AFF2: variants seen among roughly 807,000 people sequenced by gnomAD.
AFF2 encodes the protein ALF transcription elongation factor 2.
Under a neutral mutation model 76.9 loss-of-function variants are expected in AFF2, and 14 were observed. That is an observed-to-expected ratio of 0.18 (90% CI 0.12 to 0.28). AFF2 has a LOEUF of 0.28. Among genes scored for constraint, AFF2 ranks in the 10% least tolerant of loss-of-function variants. The pLI is 1.00. For missense variants in AFF2, 868 were observed against 1,001.1 expected (o/e 0.87, Z 1.79); for synonymous variants, 398 against 366.7 (o/e 1.09, Z -0.98).
At chrX:148,659,468 G>A (rs1296680480) in intron 2 of AFF2, among the ~76,000 whole-genome samples, 3 of 112,377 alleles carry the variant, frequency 2.7e-5, no homozygotes, top group Admixed American at 1.9e-4. Context: ...TAGGGAGAAG[G>A]TTCTGATTTT....
At chrX:148,503,787 T>A (rs1254018517) in intron 1 of AFF2, among the ~76,000 whole-genome samples, 1 of 112,123 alleles carries the variant, frequency 8.9e-6, no homozygotes, top group Non-Finnish European at 1.9e-5. Flanking sequence ...GTGCAGTGTT[T>A]TGGAATGCTC....
chrX:148,895,270 A>C (rs782121489), intron 8 of AFF2, among the ~76,000 whole-genome samples: 1 of 111,484 alleles, frequency 9.0e-6, no homozygotes, highest in South Asian at 3.8e-4. Flanking sequence ...TGTGCTTACA[A>C]TAAAAATGGC....
chrX:148,536,145 G>A (rs1405588927), intron 1 of AFF2, among the ~76,000 whole-genome samples: 5 of 109,411 alleles, frequency 4.6e-5, no homozygotes, highest in Non-Finnish European at 9.5e-5. Context: ...AGGAGGTGGA[G>A]GTTGCAGTGG....
At chrX:148,959,293 C>T (rs1437049224) in intron 12 of AFF2, among the ~76,000 whole-genome samples, 2 of 112,443 alleles carry the variant, frequency 1.8e-5, no homozygotes, top group African/African-American at 6.5e-5. Flanking sequence ...ATCATGTCAG[C>T]AACTTGAACC....
intron 3 of AFF2, among the ~76,000 whole-genome samples, chrX:148,683,520 C>T (rs1170013303): frequency 9.8e-5 from 11 of 111,912 alleles, no homozygotes; most frequent in Non-Finnish European, 1.7e-4. Context: ...TGCTTTCTTG[C>T]GAATGAAGAG....
At chrX:148,710,667 A>G (rs894312267) in intron 3 of AFF2, among the ~76,000 whole-genome samples, 2 of 112,203 alleles carry the variant, frequency 1.8e-5, no homozygotes, top group African/African-American at 6.5e-5. Flanking sequence ...AATAAAATAT[A>G]TGTTGATTTT....
At chrX:148,501,278 C>T (rs2052345680) in intron 1 of AFF2, 134 bp downstream of exon 1, 2 of 841,268 alleles carry the variant, frequency 2.4e-6, no homozygotes, top group South Asian at 2.4e-5. Context: ...TCTCAGCCAC[C>T]TCTGGCCCCG....
intron 3 of AFF2, among the ~76,000 whole-genome samples, chrX:148,721,027 T>C (rs1557263760): frequency 8.9e-6 from 1 of 111,877 alleles, no homozygotes; most frequent in Non-Finnish European, 1.9e-5. Flanking sequence ...TCAGGTAGTT[T>C]AGTTGATTGA....
chrX:148,822,871 A>G (rs2070345471), intron 4 of AFF2, among the ~76,000 whole-genome samples: 1 of 111,449 alleles, frequency 9.0e-6, no homozygotes, highest in Non-Finnish European at 1.9e-5. Context: ...AAATTGCAGA[A>G]TCATAAAATA....
At chrX:148,949,084 G>T (rs1236401868) in intron 9 of AFF2, among the ~76,000 whole-genome samples, 7 of 110,814 alleles carry the variant, frequency 6.3e-5, no homozygotes, top group Non-Finnish European at 1.1e-4. Context: ...CCTGCACATT[G>T]TTTGAAAATT....
chrX:148,798,507 C>T, intron 3 of AFF2, among the ~76,000 whole-genome samples: 1 of 112,241 alleles, frequency 8.9e-6, no homozygotes, highest in Non-Finnish European at 1.9e-5. Context: ...TTTACATGAA[C>T]AGATTTTCCA....
chrX:148,772,542 C>T (rs868948767), intron 3 of AFF2, among the ~76,000 whole-genome samples: 1 of 67,719 alleles, frequency 1.5e-5, no homozygotes, highest in African/African-American at 5.4e-5. Context: ...TTCTTTCTTT[C>T]TTTTTTTTTT....
intron 7 of AFF2, among the ~76,000 whole-genome samples, chrX:148,852,389 G>GTTTTTTTT (rs33916305): frequency 6.3e-5 from 5 of 78,793 alleles, no homozygotes; most frequent in Non-Finnish European, 9.7e-5. Flanking sequence ...CCAGCAGCTG[G>GTTTTTTTT]TTTTTTTTTT....
intron 19 of AFF2, among the ~76,000 whole-genome samples, chrX:148,983,094 A>C (rs1314218752): frequency 1.8e-5 from 2 of 111,896 alleles, no homozygotes; most frequent in Non-Finnish European, 3.8e-5. Context: ...AACTATTCAG[A>C]GCTTACAGCC....
intron 1 of AFF2, among the ~76,000 whole-genome samples, chrX:148,582,851 C>T: frequency 8.9e-6 from 1 of 112,152 alleles, no homozygotes; most frequent in East Asian, 2.8e-4. Context: ...AAATGTCTAT[C>T]AACTGGTGAG....
chrX:148,962,543 C>T (rs907396509), intron 12 of AFF2, among the ~76,000 whole-genome samples, 172 bp from the exon 13 acceptor site: 7 of 111,592 alleles, frequency 6.3e-5, no homozygotes, highest in Non-Finnish European at 1.1e-4. Flanking sequence ...ATATCTATAT[C>T]TATAAAGATA....
chrX:148,603,231 ATG>A (rs1280470427), intron 1 of AFF2, among the ~76,000 whole-genome samples: 2 of 111,914 alleles, frequency 1.8e-5, no homozygotes, highest in African/African-American at 6.5e-5. Flanking sequence ...GGAAAAAAAA[ATG>A]TCACCAAATC....
intron 3 of AFF2, among the ~76,000 whole-genome samples, chrX:148,692,982 G>T (rs1296102895): frequency 9.0e-6 from 1 of 110,950 alleles, no homozygotes; most frequent in African/African-American, 3.3e-5. Flanking sequence ...GCAGTGGCGC[G>T]ATCTCGGCTC....
intron 7 of AFF2, among the ~76,000 whole-genome samples, chrX:148,877,992 T>C (rs1339035187): frequency 6.3e-5 from 7 of 111,352 alleles, no homozygotes; most frequent in African/African-American, 2.3e-4. Context: ...CCACAGGGGT[T>C]TTTTATATCT....
Sources: allele counts gnomAD v4.1 joint callset (sites outside exome capture counted in the v4.1 genomes callset), GRCh38; gene constraint gnomAD v4.1.1; transcripts MANE v1.5; gene names NCBI Gene and HGNC (gene_info 2026-07-23, HGNC 2026-07-21).